The following MYO16 variants were observed in gnomAD, a reference collection of about 807,000 sequenced individuals.
MYO16 encodes the protein myosin XVI.
Under a neutral mutation model 205.3 loss-of-function variants are expected in MYO16, and 94 were observed. That is an observed-to-expected ratio of 0.46 (90% CI 0.39 to 0.54). The LOEUF is 0.54. Ranked by LOEUF, MYO16 falls within the 20% of genes least tolerant of loss-of-function variation. MYO16 has a pLI of 0.00. For missense variants in MYO16, 2,315 were observed against 2,387.5 expected (o/e 0.97, Z 0.63); for synonymous variants, 988 against 954.0 (o/e 1.04, Z -0.66).
intron 2 of MYO16, among the ~76,000 whole-genome samples, chr13:108,700,140 C>T (rs1883242395): frequency 6.6e-6 from 1 of 151,944 alleles, no homozygotes; most frequent in Non-Finnish European, 1.5e-5. Flanking sequence ...TGAGACCAGC[C>T]TGGCCAACAG....
chr13:108,963,231 T>C (rs1434049514), intron 19 of MYO16, among the ~76,000 whole-genome samples: 1 of 152,230 alleles, frequency 6.6e-6, no homozygotes, highest in Non-Finnish European at 1.5e-5. Flanking sequence ...ATCTTTTTTC[T>C]CTAAATCGCT....
the MYO16 span, among the ~76,000 whole-genome samples, chr13:108,549,136 C>T: frequency 1.6e-3 from 250 of 152,272 alleles, no homozygotes; most frequent in African/African-American, 5.2e-3. Context: ...ATGTCTTGAT[C>T]CCCAGAAACT....
Position 109,055,658 on chromosome 13 carries a change from G to T in MYO16, c.3335+63G>T. The T allele has an allele frequency of 7.1e-7, 1 of 1,415,466 alleles. No individual in the cohort carries two copies. The highest frequency in any genetic ancestry group is 1.2e-5 in the South Asian group (1 of 86,668). 87.7% of individuals were successfully genotyped at this position (1,415,466 alleles called of 1,614,324 possible). ...CTGTTCAGTGCAGTGTACTGACACT[G>T]ACACTATTGTAGCAAGGGTCTTCTG... On this transcript the variant is annotated intron_variant, in intron 27 of 34. Transcript: ENST00000457511. The surrounding 1 kb of genome is among the most constrained non-coding windows in gnomAD (Gnocchi z 5.0).
At chr13:108,901,532 T>C (rs1880707764) in intron 15 of MYO16, among the ~76,000 whole-genome samples, 1 of 152,192 alleles carries the variant, frequency 6.6e-6, no homozygotes, top group South Asian at 2.1e-4. Flanking sequence ...TAAGGAACTG[T>C]GACCGTAAAT....
At chr13:108,923,937 GC>G (rs1482587873) in intron 16 of MYO16, among the ~76,000 whole-genome samples, 5 of 152,140 alleles carry the variant, frequency 3.3e-5, no homozygotes, top group African/African-American at 1.2e-4. Context: ...TGTTGTATAG[GC>G]CGTTACATTT....
chr13:108,687,990 T>G (rs1241805843), intron 2 of MYO16, among the ~76,000 whole-genome samples: 3 of 152,126 alleles, frequency 2.0e-5, no homozygotes, highest in Non-Finnish European at 2.9e-5. Context: ...GGTTTTTCAC[T>G]CAAAGAAGAG....
the MYO16 span, among the ~76,000 whole-genome samples, chr13:108,587,413 A>C: frequency 1.3e-5 from 2 of 152,214 alleles, no homozygotes; most frequent in Non-Finnish European, 2.9e-5. Flanking sequence ...AACCATAAAC[A>C]TCAGTTCTAT....
chr13:108,936,722 T>G (rs762074120), intron 16 of MYO16, among the ~76,000 whole-genome samples: 15 of 152,196 alleles, frequency 9.9e-5, no homozygotes, highest in Non-Finnish European at 1.6e-4. Context: ...TAGCTGTTGT[T>G]ACATGTGAGG....
the MYO16 span, among the ~76,000 whole-genome samples, chr13:108,499,651 G>A: frequency 4.5e-3 from 687 of 152,244 alleles, 1 homozygote; most frequent in Non-Finnish European, 7.4e-3. Flanking sequence ...TAATTCCAAG[G>A]AAGTTTAGGT....
intron 12 of MYO16, among the ~76,000 whole-genome samples, chr13:108,873,568 G>C (rs1879171568): frequency 1.3e-5 from 2 of 152,234 alleles, no homozygotes; most frequent in South Asian, 4.1e-4. Flanking sequence ...CAGCGGGCGA[G>C]TCAGCAGGCC....
At chr13:109,183,124 C>T (rs1879526519) in intron 34 of MYO16, among the ~76,000 whole-genome samples, 1 of 152,146 alleles carries the variant, frequency 6.6e-6, no homozygotes, top group African/African-American at 2.4e-5. Flanking sequence ...CATTTATCTA[C>T]TTACCATTTT....
chr13:108,667,825 C>T (rs1881808589), intron 2 of MYO16, among the ~76,000 whole-genome samples: 1 of 152,104 alleles, frequency 6.6e-6, no homozygotes. Flanking sequence ...GTGGAAGACT[C>T]TCCTGAGGCC....
intron 23 of MYO16, among the ~76,000 whole-genome samples, chr13:109,045,358 G>A (rs1887006344): frequency 6.6e-6 from 1 of 152,160 alleles, no homozygotes; most frequent in Admixed American, 6.5e-5. Context: ...AGTGTCCCCT[G>A]GAGGCTATGA....
intron 6 of MYO16, 73 bp downstream of exon 6, chr13:108,793,713 T>C (rs1886694988): frequency 7.0e-7 from 1 of 1,428,648 alleles, no homozygotes; most frequent in South Asian, 1.4e-5. Flanking sequence ...ATAGAATTCA[T>C]TAAATTAACC....
chr13:108,761,928 G>T (rs958796467), intron 4 of MYO16, among the ~76,000 whole-genome samples: 1 of 152,228 alleles, frequency 6.6e-6, no homozygotes, highest in Admixed American at 6.5e-5. Context: ...TAGTGGTGAA[G>T]TTGTGGCTTT....
chr13:108,629,009 C>T (rs1405452652), upstream of MYO16, among the ~76,000 whole-genome samples: 9 of 152,132 alleles, frequency 5.9e-5, no homozygotes, highest in Non-Finnish European at 2.9e-5. Context: ...CCCTAGCAGA[C>T]CATATATTTC....
At chr13:108,781,889 G>A (rs917185078) in intron 4 of MYO16, among the ~76,000 whole-genome samples, 1 of 152,164 alleles carries the variant, frequency 6.6e-6, no homozygotes, top group Non-Finnish European at 1.5e-5. Flanking sequence ...CATGTAAGAA[G>A]AGCCTTTTAC....
chr13:109,129,071 C>CTTTTTTTTTTT, intron 31 of MYO16, among the ~76,000 whole-genome samples: 1 of 128,222 alleles, frequency 7.8e-6, no homozygotes, highest in Non-Finnish European at 1.7e-5. Flanking sequence ...TGCGCCAGGC[C>CTTTTTTTTTTT]TTTTTTTTTT....
At chr13:108,910,260 G>GATA in intron 16 of MYO16, 110 bp downstream of exon 16, 1 of 1,218,396 alleles carries the variant, frequency 8.2e-7, no homozygotes, top group South Asian at 1.4e-5. Context: ...GTGAGTAAAA[G>GATA]ATAACTGTTG....
Sources: gnomAD v4.1 joint callset for allele counts (sites outside exome capture counted in the v4.1 genomes callset) on GRCh38, gnomAD v4.1.1 for gene constraint, Gnocchi (gnomAD v3.1) non-coding constraint, MANE v1.5 for transcripts, NCBI Gene and HGNC (gene_info 2026-07-23, HGNC 2026-07-21) for gene names.